The following PDE1C variants were observed in gnomAD, a reference collection of about 807,000 sequenced individuals.
The protein encoded by PDE1C is phosphodiesterase 1C.
Under a neutral mutation model 93.1 loss-of-function variants are expected in PDE1C, and 62 were observed. That is an observed-to-expected ratio of 0.67 (90% confidence interval 0.54 to 0.82). The LOEUF (loss-of-function observed/expected upper bound fraction) is 0.82, where lower values mean the gene tolerates loss of function less well. Ranked by LOEUF, PDE1C falls within the 40% of genes least tolerant of loss-of-function variation. PDE1C has a pLI of 0.00. For missense variants in PDE1C, 742 were observed against 884.6 expected (o/e 0.84, Z 2.04); for synonymous variants, 325 against 310.1 (o/e 1.05, Z -0.50).
intron 1 of PDE1C, among the ~76,000 whole-genome samples, chr7:32,294,051 A>G (rs1454110399): frequency 6.6e-6 from 1 of 151,990 alleles, no homozygotes; most frequent in Admixed American, 6.6e-5. Flanking sequence ...CAATTCAATC[A>G]GACCTCAGCC....
At chr7:32,227,456 G>A (rs553308633) in intron 1 of PDE1C, among the ~76,000 whole-genome samples, 114 of 152,202 alleles carry the variant, frequency 7.5e-4, no homozygotes, top group Non-Finnish European at 1.3e-3. Context: ...GTAGACTGTC[G>A]GCCCTGTGAG....
chr7:31,893,346 G>A (rs937933494), intron 2 of PDE1C: 6 of 260,390 alleles, frequency 2.3e-5, no homozygotes, highest in Non-Finnish European at 1.2e-5. Context: ...GGAGGGATCT[G>A]AACCAGTAAT....
At chr7:31,894,474 A>G (rs189870408) in intron 2 of PDE1C, among the ~76,000 whole-genome samples, 1 of 152,342 alleles carries the variant, frequency 6.6e-6, no homozygotes, top group East Asian at 1.9e-4. Context: ...GGTCTTTAAA[A>G]TTCATAATCA....
At chr7:32,032,446 G>A (rs959217264) in intron 2 of PDE1C, among the ~76,000 whole-genome samples, 1 of 152,140 alleles carries the variant, frequency 6.6e-6, no homozygotes, top group Non-Finnish European at 1.5e-5. Flanking sequence ...CAACTCCGAG[G>A]CAAGAATCAA....
intron 2 of PDE1C, among the ~76,000 whole-genome samples, chr7:32,033,778 T>C (rs1189946922): frequency 1.3e-5 from 2 of 152,162 alleles, no homozygotes; most frequent in African/African-American, 4.8e-5. Flanking sequence ...TATTGAGTTA[T>C]CTCCAGAAAA....
intron 2 of PDE1C, among the ~76,000 whole-genome samples, chr7:31,936,689 C>G (rs1019454066): frequency 3.3e-5 from 5 of 151,996 alleles, no homozygotes; most frequent in Non-Finnish European, 7.4e-5. Context: ...AGATTAGAAA[C>G]CAGGAATTTT....
intron 2 of PDE1C, among the ~76,000 whole-genome samples, chr7:32,012,646 G>A (rs1787299799): frequency 6.6e-6 from 1 of 152,098 alleles, no homozygotes; most frequent in African/African-American, 2.4e-5. Flanking sequence ...AGGGTCATGA[G>A]GAAAATTTTG....
rs529705988 is a variant in PDE1C, at chr7:31,839,383, G to T, written c.981-1412C>A. Reference sequence around the variant, plus strand: ...GCATTATATATTAACACAGATACTAGATATATACACACGTGTTTCCATGTA... The same window carrying T: ...GCATTATATATTAACACAGATACTATATATATACACACGTGTTTCCATGTA... On this transcript the variant is annotated intron_variant, in intron 9 of 17. Transcript: ENST00000396191. Among the ~76,000 whole-genome samples the T allele has an allele frequency of 5.0e-5, 7 of 139,032 alleles. No individual in the cohort carries two copies. In the East Asian group the frequency reaches 1.5e-3, roughly 30 times the overall value. 91.2% of individuals were successfully genotyped at this position (139,032 alleles called of 152,430 possible).
intron 3 of PDE1C, among the ~76,000 whole-genome samples, chr7:32,091,301 T>A (rs1342346686): frequency 1.3e-5 from 2 of 152,230 alleles, no homozygotes; most frequent in African/African-American, 4.8e-5. Context: ...GAACTTTAGA[T>A]GTAATCTTCT....
chr7:31,617,388 G>C, the PDE1C span, among the ~76,000 whole-genome samples: 1 of 152,116 alleles, frequency 6.6e-6, no homozygotes, highest in African/African-American at 2.4e-5. Flanking sequence ...GTAGTATTAA[G>C]CATTTCTGAG....
At chr7:32,269,800 A>G (rs1172067014) in intron 1 of PDE1C, among the ~76,000 whole-genome samples, 1 of 151,968 alleles carries the variant, frequency 6.6e-6, no homozygotes, top group Non-Finnish European at 1.5e-5. Context: ...AAGAGACAGC[A>G]TCTCACTCTG....
chr7:32,159,651 GGGA>G (rs1364680255), intron 3 of PDE1C, among the ~76,000 whole-genome samples: 1 of 152,152 alleles, frequency 6.6e-6, no homozygotes, highest in African/African-American at 2.4e-5. Context: ...GGGGCTATAA[GGGA>G]GGAGAAGTAG....
the PDE1C span, among the ~76,000 whole-genome samples, chr7:31,694,326 A>G: frequency 1.1e-4 from 17 of 151,806 alleles, no homozygotes; most frequent in Non-Finnish European, 1.9e-4. Flanking sequence ...CATCTGAAGT[A>G]TATCAACTGT....
Position 32,382,870 on chromosome 7 carries a change from G to A in PDE1C, c.310+44952C>T, listed in dbSNP as rs566417447. On this transcript the variant is annotated intron_variant, in intron 1 of 1. Transcript: ENST00000672256. ...TCTCCCCTACTCCTTGCTCACTGTC[G>A]CCAGGCAGACCTCTCCCACCCTGTG... 6.6e-5 allele frequency among the ~76,000 whole-genome samples: 10 copies of A among 152,192 alleles called. No homozygotes were observed. The South Asian group carries it at 1.7e-3, about 25-fold the overall frequency.
At chr7:32,150,427 C>T (rs1284132835) in intron 3 of PDE1C, among the ~76,000 whole-genome samples, 1 of 152,158 alleles carries the variant, frequency 6.6e-6, no homozygotes, top group African/African-American at 2.4e-5. Context: ...TCCCAGCCTC[C>T]CTTTCTTCAA....
the PDE1C span, among the ~76,000 whole-genome samples, chr7:31,667,437 C>A: frequency 2.0e-5 from 3 of 152,224 alleles, no homozygotes; most frequent in East Asian, 5.8e-4. Flanking sequence ...GGATGAAGAA[C>A]AACATAGTCA....
intron 3 of PDE1C, among the ~76,000 whole-genome samples, chr7:32,086,297 G>A (rs1442817239): frequency 6.6e-6 from 1 of 151,908 alleles, no homozygotes; most frequent in African/African-American, 2.4e-5. Context: ...CAACTTACCA[G>A]GGACATGAAG....
intron 15 of PDE1C, among the ~76,000 whole-genome samples, chr7:31,809,542 A>G (rs1787298711): frequency 6.6e-6 from 1 of 152,116 alleles, no homozygotes. Flanking sequence ...TACAGTTATT[A>G]TTATTCTAAA....
rs139108756 is a variant in PDE1C at position 32,291,400 on chromosome 7, A to G, written c.85+7251T>C. Among the ~76,000 whole-genome samples, 621 of 152,382 alleles carry G rather than the reference A, an allele frequency of 4.1e-3. 2 individuals carry two copies. The highest frequency in any genetic ancestry group is 7.2e-3 in the Non-Finnish European group (490 of 68,034). ...CATGAATTGAAGCCAAAAAGGTTTC[A>G]TATCACATCAGAATGGAGCTAGCCC... is the stretch of plus-strand genomic sequence containing the variant. On this transcript the variant is annotated intron_variant, in intron 1 of 18. Coordinates refer to the PDE1C transcript ENST00000396193.
Sources: gnomAD v4.1 joint callset for allele counts (sites outside exome capture counted in the v4.1 genomes callset) on GRCh38, gnomAD v4.1.1 for gene constraint, MANE v1.5 for transcripts, NCBI Gene and HGNC (gene_info 2026-07-23, HGNC 2026-07-21) for gene names.